The following METTL16 variants were observed in gnomAD, a reference collection of about 807,000 sequenced individuals.
METTL16 encodes RNA N(6)-adenosine-methyltransferase METTL16.
METTL16 carries 19 observed loss-of-function variants against 57.9 expected under a neutral mutation model. The observed-to-expected ratio is 0.33, with a 90% CI of 0.23 to 0.48. The LOEUF is 0.48. Among genes scored for constraint, METTL16 ranks in the 20% least tolerant of loss-of-function variants. The pLI is 0.99. For synonymous variants in METTL16, 246 were observed against 255.6 expected (o/e 0.96, Z 0.36); for missense variants, 434 against 691.5 (o/e 0.63, Z 4.18).
At position 2,457,207 on chromosome 17, in the gene METTL16, G is replaced by C. The variant is rs370451999; in HGVS notation, c.728+7001C>G. Among the ~76,000 whole-genome samples the C allele has an allele frequency of 1.5e-4, 23 of 151,386 alleles. 1 individual carries two copies. In the East Asian group the frequency reaches 3.1e-3, roughly 21 times the overall value. ...AAAAAAATTAGCTGGGCGTGGTGACGGGCGCCTGTAGTCCAAGCTACTAGG... is the reference window on the plus strand; with the variant it reads ...AAAAAAATTAGCTGGGCGTGGTGACCGGCGCCTGTAGTCCAAGCTACTAGG... On this transcript the variant is annotated intron_variant, in intron 6 of 9. Coordinates refer to ENST00000263092, the MANE Select transcript of METTL16 (RefSeq NM_024086.4).
intron 4 of METTL16, among the ~76,000 whole-genome samples, 158 bp downstream of exon 4, chr17:2,473,366 G>A (rs1477911209): frequency 6.6e-6 from 1 of 152,180 alleles, no homozygotes; most frequent in African/African-American, 2.4e-5. Context: ...TATTTTCTGA[G>A]TTAATTCTGG....
intron 1 of METTL16, among the ~76,000 whole-genome samples, chr17:2,507,621 T>A (rs1165795591): frequency 5.7e-4 from 86 of 151,612 alleles, no homozygotes; most frequent in Non-Finnish European, 3.1e-4. Flanking sequence ...CCCGTCTGGG[T>A]GGTGTACCCA....
intron 8 of METTL16, among the ~76,000 whole-genome samples, chr17:2,425,513 T>G (rs1178210892): frequency 1.3e-5 from 2 of 152,204 alleles, no homozygotes; most frequent in Non-Finnish European, 2.9e-5. Context: ...AGGTTTTATA[T>G]CTTTTGAATT....
rs560841672 is a variant in METTL16, at chr17:2,487,315, G to T, written c.129-9430C>A. On this transcript the variant is annotated intron_variant, in intron 2 of 9. Transcript: ENST00000263092. ...ATGGAGCCCAGAGAAGAGGTGTGTA[G>T]AAATAAACATGTAAGTGATTTGCAA... Among the ~76,000 whole-genome samples, 6 of 152,316 alleles carry T rather than the reference G, an allele frequency of 3.9e-5. No homozygotes were observed. In the East Asian group the frequency reaches 9.6e-4, roughly 24 times the overall value.
chr17:2,473,791 T>A, intron 3 of METTL16, 127 bp from the exon 4 acceptor site: 1 of 947,672 alleles, frequency 1.1e-6, no homozygotes, highest in Non-Finnish European at 1.5e-6. Context: ...CAGGCTACAG[T>A]GCAGTGGTGT....
intron 6 of METTL16, among the ~76,000 whole-genome samples, chr17:2,444,619 T>C (rs554691074): frequency 6.6e-6 from 1 of 152,240 alleles, no homozygotes; most frequent in African/African-American, 2.4e-5. Flanking sequence ...GTTCTAGGCC[T>C]TCATATTCGC....
chr17:2,426,879 A>T (rs903493286), intron 8 of METTL16, among the ~76,000 whole-genome samples: 1 of 151,874 alleles, frequency 6.6e-6, no homozygotes, highest in African/African-American at 2.4e-5. Flanking sequence ...TCATGCCTGC[A>T]ATCCCAGCAC....
chr17:2,447,274 C>A (rs995920197), intron 6 of METTL16, among the ~76,000 whole-genome samples: 3 of 148,404 alleles, frequency 2.0e-5, no homozygotes, highest in Non-Finnish European at 4.4e-5. Context: ...TGGCCGCAAC[C>A]CTGTCTGGGA....
chr17:2,422,390 C>T (rs1168223671), intron 8 of METTL16, among the ~76,000 whole-genome samples: 1 of 149,962 alleles, frequency 6.7e-6, no homozygotes, highest in African/African-American at 2.4e-5. Context: ...TTTATTTATT[C>T]ATTTATTTAT....
At chr17:2,460,975 G>A (rs558638217) in intron 6 of METTL16, among the ~76,000 whole-genome samples, 8 of 151,070 alleles carry the variant, frequency 5.3e-5, no homozygotes, top group East Asian at 3.9e-4. Flanking sequence ...CCTTCTTTAA[G>A]TTTATTTTAC....
intron 8 of METTL16, among the ~76,000 whole-genome samples, chr17:2,426,421 C>G (rs374123014): frequency 6.6e-6 from 1 of 151,986 alleles, no homozygotes. Context: ...CCCAGGAGTA[C>G]GTAAAAACAG....
chr17:2,449,788 T>G (rs538349377), intron 6 of METTL16, among the ~76,000 whole-genome samples: 29 of 152,282 alleles, frequency 1.9e-4, no homozygotes, highest in Admixed American at 3.9e-4. Flanking sequence ...AAAACACATT[T>G]GACAATGGAC....
At chr17:2,456,511 G>A (rs2067111514) in intron 6 of METTL16, among the ~76,000 whole-genome samples, 1 of 152,190 alleles carries the variant, frequency 6.6e-6, no homozygotes, top group Non-Finnish European at 1.5e-5. Flanking sequence ...GTCTCGTTCT[G>A]TTGCCCCGGT....
chr17:2,420,831 A>G lies in METTL16; in HGVS notation c.962T>C (p.Met321Thr). The G allele has an allele frequency of 1.2e-6, 2 of 1,614,256 alleles. No homozygotes were observed. The highest frequency in any genetic ancestry group is 1.7e-6 in the Non-Finnish European group (2 of 1,180,042). ...PITFVVLASV[M>T]KELSLKASPL... ...TGATGCTTTGAGGGATAATTCCTTC[A>G]TCACGGACGCCAGCACCACGAATGT... The change falls in exon 9 of 10, where the codon ATG becomes ACG. Residue 321 changes from methionine (M) to threonine (T), a missense_variant. Met to Thr is a moderately conservative substitution (Grantham distance 81, BLOSUM62 -1). Around this residue, in one of 5 missense-constraint regions of METTL16, gnomAD observed 96 missense variants for 138.3 expected, o/e 0.69. Transcript: ENST00000263092. The surrounding 1 kb of genome is among the most constrained non-coding windows in gnomAD (Gnocchi z 5.4).
rs900486311 is a variant in METTL16 at position 2,421,344 on chromosome 17, G to A, written c.889-440C>T. 2.6e-5 allele frequency among the ~76,000 whole-genome samples: 4 copies of A among 152,040 alleles called. No homozygotes were observed. In the East Asian group the frequency reaches 7.7e-4, roughly 29 times the overall value. Reference sequence around the variant, plus strand: ...CAATCTAGCCCAGGAAACGGGGTGAGACCCTGTCTCTTAAGAAAAAAAAAA... The same window carrying A: ...CAATCTAGCCCAGGAAACGGGGTGAAACCCTGTCTCTTAAGAAAAAAAAAA... On this transcript the variant is annotated intron_variant, in intron 8 of 9. Coordinates refer to ENST00000263092, the MANE Select transcript of METTL16 (RefSeq NM_024086.4).
intron 1 of METTL16, among the ~76,000 whole-genome samples, chr17:2,509,611 C>T (rs148549290): frequency 3.3e-5 from 5 of 152,218 alleles, no homozygotes; most frequent in East Asian, 1.9e-4. Context: ...AAGTGTTGGC[C>T]GGGCACAGTC....
At chr17:2,486,156 G>A (rs1047663908) in intron 2 of METTL16, among the ~76,000 whole-genome samples, 2 of 152,134 alleles carry the variant, frequency 1.3e-5, no homozygotes, top group Admixed American at 1.3e-4. Flanking sequence ...TGGGGAGGAA[G>A]GCAGGTTCCA....
intron 5 of METTL16, among the ~76,000 whole-genome samples, chr17:2,465,163 A>C (rs2067182544): frequency 6.6e-6 from 1 of 152,200 alleles, no homozygotes; most frequent in Non-Finnish European, 1.5e-5. Context: ...ACGTGAAAAG[A>C]TGCTCAGCAT....
intron 2 of METTL16, among the ~76,000 whole-genome samples, chr17:2,491,943 G>A (rs1194794201): frequency 1.3e-5 from 2 of 150,166 alleles, no homozygotes; most frequent in Non-Finnish European, 3.0e-5. Flanking sequence ...TGGGCGCGGT[G>A]GCTCACGCCT....
Sources: allele counts gnomAD v4.1 joint callset (sites outside exome capture counted in the v4.1 genomes callset), GRCh38; gene constraint gnomAD v4.1.1; regional missense constraint gnomAD v4.1.1; non-coding constraint Gnocchi (gnomAD v3.1); transcripts MANE v1.5; gene names NCBI Gene and HGNC (gene_info 2026-07-23, HGNC 2026-07-21).